The following DLGAP1 variants were observed in gnomAD, a reference collection of about 807,000 sequenced individuals.
The protein encoded by DLGAP1 is DLG associated protein 1.
A neutral mutation model predicts 90.8 loss-of-function variants in DLGAP1; 11 were observed. The observed-to-expected ratio is 0.12, with a 90% confidence interval of 0.08 to 0.20. The LOEUF (loss-of-function observed/expected upper bound fraction) is 0.20. Ranked by LOEUF, DLGAP1 falls within the 10% of genes least tolerant of loss-of-function variation. The probability of loss-of-function intolerance (pLI) is 1.00; values close to 1 mark genes in which losing one functional copy is unlikely to be tolerated. For missense variants in DLGAP1, 1,050 were observed against 1,333.8 expected, an observed-to-expected ratio of 0.79 and a Z score of 3.31; for synonymous variants, 558 against 540.7, an observed-to-expected ratio of 1.03 and a Z score of -0.44.
intron 7 of DLGAP1, among the ~76,000 whole-genome samples, chr18:3,615,224 C>A (rs2057807944): frequency 6.6e-6 from 1 of 152,004 alleles, no homozygotes; most frequent in African/African-American, 2.4e-5. Flanking sequence ...GCCCAGCAGA[C>A]AAAATAATTT....
chr18:4,112,412 A>G (rs112770250), intron 2 of DLGAP1, among the ~76,000 whole-genome samples: 1,787 of 152,256 alleles, frequency 0.012, 19 homozygotes, highest in African/African-American at 0.031. Flanking sequence ...GGAGGATTCT[A>G]TAGATGTCTG....
chr18:4,429,905 T>C (rs975382837), intron 1 of DLGAP1, among the ~76,000 whole-genome samples: 1 of 152,122 alleles, frequency 6.6e-6, no homozygotes, highest in Non-Finnish European at 1.5e-5. Flanking sequence ...TCAGTATGCA[T>C]AGATCTTCAA....
intron 2 of DLGAP1, among the ~76,000 whole-genome samples, chr18:4,015,349 T>G (rs755863184): frequency 1.3e-5 from 2 of 152,130 alleles, no homozygotes; most frequent in Non-Finnish European, 2.9e-5. Flanking sequence ...AGCCTAGTTT[T>G]GTCCAAGCAG....
chr18:3,676,555 G>A (rs533116076), intron 7 of DLGAP1, among the ~76,000 whole-genome samples: 2 of 152,182 alleles, frequency 1.3e-5, no homozygotes, highest in African/African-American at 4.8e-5. Context: ...AGTATAAGCT[G>A]GCTTCAAGGT....
intron 7 of DLGAP1, chr18:3,656,373 A>C (rs1308185619): frequency 2.2e-6 from 1 of 451,770 alleles, no homozygotes; most frequent in Non-Finnish European, 4.0e-6. Context: ...TTTGGATGGG[A>C]CAAAGGCCAA....
chr18:3,915,473 TGAG>T (rs2072122138), intron 3 of DLGAP1, among the ~76,000 whole-genome samples: 1 of 152,118 alleles, frequency 6.6e-6, no homozygotes, highest in Admixed American at 6.5e-5. Context: ...GCAAGGTAAT[TGAG>T]GAGATTAAAA....
Position 4,349,237 on chromosome 18 carries a change from C to A in DLGAP1, c.-267+105769G>T, listed in dbSNP as rs1417223520. Among the ~76,000 whole-genome samples, 4 of 152,026 alleles carry A rather than the reference C, an allele frequency of 2.6e-5. No individual in the cohort carries two copies. In the East Asian group the frequency reaches 7.7e-4, roughly 29 times the overall value. ...AGTATTCGTGCAAAAATTTTTAAAACCTGAATTTAATCATGAACAAACATC... is the reference window on the plus strand; with the variant it reads ...AGTATTCGTGCAAAAATTTTTAAAAACTGAATTTAATCATGAACAAACATC... On this transcript the variant is annotated intron_variant, in intron 1 of 12. Transcript: ENST00000315677.
intron 1 of DLGAP1, among the ~76,000 whole-genome samples, chr18:4,392,608 T>A (rs1384057650): frequency 6.6e-6 from 1 of 152,132 alleles, no homozygotes; most frequent in African/African-American, 2.4e-5. Flanking sequence ...TACTCAAAGT[T>A]TAAAGGCTCA....
chr18:4,320,756 ACACACAC>A (rs1472772745), intron 1 of DLGAP1, among the ~76,000 whole-genome samples: 6 of 129,268 alleles, frequency 4.6e-5, no homozygotes, highest in Non-Finnish European at 4.9e-5. Flanking sequence ...ACACACACAC[ACACACAC>A]AATACCAATG....
At chr18:4,417,653 G>GTC (rs2082930781) in intron 1 of DLGAP1, among the ~76,000 whole-genome samples, 37 of 152,132 alleles carry the variant, frequency 2.4e-4, no homozygotes, top group Admixed American at 2.4e-3. Flanking sequence ...AGAGTGAAGG[G>GTC]CAATTAACAC....
At chr18:4,121,729 G>A (rs947589455) in intron 2 of DLGAP1, among the ~76,000 whole-genome samples, 2 of 152,126 alleles carry the variant, frequency 1.3e-5, no homozygotes, top group Non-Finnish European at 2.9e-5. Context: ...GCAAGACCCT[G>A]TTGCAGTGGT....
chr18:4,252,370 TA>T (rs2078797981), intron 1 of DLGAP1, among the ~76,000 whole-genome samples: 1 of 152,192 alleles, frequency 6.6e-6, no homozygotes, highest in Admixed American at 6.5e-5. Flanking sequence ...GGGGAAGGGA[TA>T]TTTTTCAGAA....
intron 3 of DLGAP1, among the ~76,000 whole-genome samples, chr18:3,916,020 C>A (rs1457514322): frequency 6.6e-6 from 1 of 152,130 alleles, no homozygotes; most frequent in African/African-American, 2.4e-5. Flanking sequence ...AGTGTAGAAG[C>A]AGATTGACAC....
chr18:3,703,777 C>A (rs990794430), intron 7 of DLGAP1, among the ~76,000 whole-genome samples: 2 of 152,146 alleles, frequency 1.3e-5, no homozygotes, highest in African/African-American at 4.8e-5. Context: ...TCACAGACTC[C>A]ATTTACGGTT....
intron 4 of DLGAP1, among the ~76,000 whole-genome samples, chr18:3,815,946 G>A (rs1598860275): frequency 6.6e-6 from 1 of 152,170 alleles, no homozygotes; most frequent in South Asian, 2.1e-4. Flanking sequence ...ATGGTGATGG[G>A]AAAGGAGGAT....
intron 9 of DLGAP1, among the ~76,000 whole-genome samples, chr18:3,549,335 C>CT (rs2053240766): frequency 8.2e-6 from 1 of 121,538 alleles, no homozygotes; most frequent in Non-Finnish European, 1.6e-5. Flanking sequence ...TTCTCTCTCT[C>CT]TCTTTTTTTT....
chr18:4,051,865 A>G (rs1490179151), intron 2 of DLGAP1, among the ~76,000 whole-genome samples: 1 of 152,218 alleles, frequency 6.6e-6, no homozygotes, highest in Non-Finnish European at 1.5e-5. Context: ...CATTCCAAAT[A>G]AGAGAAATTG....
At position 3,904,643 on chromosome 18, in the gene DLGAP1, T is replaced by C. The variant is rs556755967; in HGVS notation, c.-72-24503A>G. ...AGGAGAAAATGCTCCTGATTTCCTA[T>C]AGTTTAACCACTTAATGAATCAGTG... On this transcript the variant is annotated intron_variant, in intron 3 of 12. Transcript: ENST00000315677. 1.1e-3 allele frequency among the ~76,000 whole-genome samples: 160 copies of C among 152,328 alleles called. 2 individuals carry two copies. Among genetic ancestry groups the C allele is most frequent in the African/African-American group, 3.6e-3 (151 of 41,578 alleles).
rs1459662675 is a variant in DLGAP1, at chr18:3,775,427, G to C, written c.1173-32915C>G. ...AGATCTGGTTGTTTGAATGCGTATA[G>C]CACTTCCCCCTTCATTCTTTCTTCC... On this transcript the variant is annotated intron_variant, in intron 5 of 12. Transcript: ENST00000315677. The surrounding 1 kb of genome is among the most constrained non-coding windows in gnomAD (Gnocchi z 4.9). Among the ~76,000 whole-genome samples the C allele has an allele frequency of 3.9e-5, 6 of 152,148 alleles. No homozygotes were observed. Among genetic ancestry groups the C allele is most frequent in the Non-Finnish European group, 8.8e-5 (6 of 68,048 alleles).
Sources: gnomAD v4.1 joint callset for allele counts (sites outside exome capture counted in the v4.1 genomes callset) on GRCh38, gnomAD v4.1.1 for gene constraint, Gnocchi (gnomAD v3.1) non-coding constraint, MANE v1.5 for transcripts, NCBI Gene and HGNC (gene_info 2026-07-23, HGNC 2026-07-21) for gene names.